Variants in CDKAL1 observed in about 807,000 individuals in gnomAD.
CDKAL1 encodes CDKAL1 threonylcarbamoyladenosine tRNA methylthiotransferase.
Under a neutral mutation model 68.2 loss-of-function variants are expected in CDKAL1, and 32 were observed. That is an observed-to-expected ratio of 0.47 (90% confidence interval 0.35 to 0.63). The LOEUF (loss-of-function observed/expected upper bound fraction) is 0.63, where lower values mean the gene tolerates loss of function less well. Ranked by LOEUF, CDKAL1 falls within the 30% of genes least tolerant of loss-of-function variation. The pLI is 0.00. For missense variants in CDKAL1, 606 were observed against 696.7 expected, an observed-to-expected ratio of 0.87 and a Z score of 1.47; for synonymous variants, 234 against 244.3, an observed-to-expected ratio of 0.96 and a Z score of 0.39.
At chr6:20,896,907 G>A (rs1761718250) in intron 9 of CDKAL1, among the ~76,000 whole-genome samples, 1 of 152,160 alleles carries the variant, frequency 6.6e-6, no homozygotes, top group African/African-American at 2.4e-5. Context: ...AAGTGTTCTT[G>A]GGTTCGGAGG....
At chr6:21,201,550 C>T (rs1054725321) in intron 15 of CDKAL1, among the ~76,000 whole-genome samples, 3 of 152,152 alleles carry the variant, frequency 2.0e-5, no homozygotes, top group South Asian at 4.1e-4. Context: ...AAAATGTTGA[C>T]ACCAAAAGAT....
chr6:20,769,159 G>A (rs1175538367), intron 7 of CDKAL1, among the ~76,000 whole-genome samples: 1 of 151,836 alleles, frequency 6.6e-6, no homozygotes, highest in Non-Finnish European at 1.5e-5. Context: ...TCACACCCGG[G>A]AAAGTACATC....
chr6:20,779,805 C>T (rs943233630), intron 7 of CDKAL1, among the ~76,000 whole-genome samples: 14 of 152,128 alleles, frequency 9.2e-5, no homozygotes, highest in Admixed American at 4.6e-4. Flanking sequence ...GGCTGGTCTG[C>T]CTGCCTTGGC....
At chr6:21,008,061 T>G (rs1280412528) in intron 11 of CDKAL1, among the ~76,000 whole-genome samples, 1 of 152,062 alleles carries the variant, frequency 6.6e-6, no homozygotes, top group African/African-American at 2.4e-5. Context: ...TAATAGAAAA[T>G]CATATAGTTA....
At chr6:20,879,319 G>C (rs773615595) in intron 9 of CDKAL1, among the ~76,000 whole-genome samples, 1 of 152,156 alleles carries the variant, frequency 6.6e-6, no homozygotes, top group Non-Finnish European at 1.5e-5. Context: ...AGTTAGTTTT[G>C]AAGTCTTGGT....
chr6:21,214,573 A>G (rs1488841097), intron 15 of CDKAL1, among the ~76,000 whole-genome samples: 1 of 151,970 alleles, frequency 6.6e-6, no homozygotes, highest in Non-Finnish European at 1.5e-5. Flanking sequence ...TCCCTGGTAC[A>G]TACTTCATTC....
chr6:21,077,220 T>C (rs1772120458), intron 12 of CDKAL1, among the ~76,000 whole-genome samples: 1 of 152,232 alleles, frequency 6.6e-6, no homozygotes, highest in South Asian at 2.1e-4. Flanking sequence ...TTTCACCTTC[T>C]ATTTTATTAT....
At chr6:21,101,397 T>A (rs1773570203) in intron 12 of CDKAL1, among the ~76,000 whole-genome samples, 1 of 152,336 alleles carries the variant, frequency 6.6e-6, no homozygotes, top group African/African-American at 2.4e-5. Context: ...AAAGATTCGC[T>A]AATAGTTCTA....
chr6:20,897,112 T>C (rs534367372), intron 9 of CDKAL1, among the ~76,000 whole-genome samples: 15 of 152,280 alleles, frequency 9.9e-5, no homozygotes, highest in African/African-American at 3.4e-4. Flanking sequence ...AATGGTCCCT[T>C]CTAGCTGTTT....
intron 5 of CDKAL1, among the ~76,000 whole-genome samples, chr6:20,709,353 A>T (rs1771741874): frequency 6.6e-6 from 1 of 152,092 alleles, no homozygotes; most frequent in Admixed American, 6.5e-5. Flanking sequence ...CAAAATCTGA[A>T]ATGCTCTAAA....
intron 15 of CDKAL1, among the ~76,000 whole-genome samples, chr6:21,209,989 C>T (rs1779089254): frequency 1.3e-5 from 2 of 152,192 alleles, no homozygotes; most frequent in South Asian, 4.1e-4. Flanking sequence ...CATCAAAGAA[C>T]TAATTGTGCC....
intron 15 of CDKAL1, among the ~76,000 whole-genome samples, chr6:21,229,131 T>TAACA (rs1352779912): frequency 6.6e-6 from 1 of 152,320 alleles, no homozygotes; most frequent in Admixed American, 6.5e-5. Context: ...TCCTTGTGGC[T>TAACA]AACAGCTGTG....
At chr6:21,042,952 C>T (rs1016716462) in intron 11 of CDKAL1, among the ~76,000 whole-genome samples, 5 of 152,166 alleles carry the variant, frequency 3.3e-5, no homozygotes, top group Admixed American at 2.6e-4. Context: ...AAAAAACAGA[C>T]ATAGAGATAG....
At chr6:20,571,450 A>G (rs7744002) in intron 4 of CDKAL1, among the ~76,000 whole-genome samples, 3,635 of 152,042 alleles carry the variant, frequency 0.024, 133 homozygotes, top group African/African-American at 0.077. Context: ...CTGTTCTCTT[A>G]TCTAGTAATT....
At chr6:20,921,013 G>C (rs978541085) in intron 9 of CDKAL1, among the ~76,000 whole-genome samples, 13 of 151,664 alleles carry the variant, frequency 8.6e-5, no homozygotes, top group Non-Finnish European at 1.9e-4. Flanking sequence ...TTTTATATTA[G>C]ATAAAAAAAG....
chr6:20,777,576 C>T (rs1042796508), intron 7 of CDKAL1, among the ~76,000 whole-genome samples: 2 of 152,220 alleles, frequency 1.3e-5, no homozygotes, highest in Non-Finnish European at 2.9e-5. Context: ...GATTGTGCCA[C>T]TGCACTCCGG....
intron 5 of CDKAL1, among the ~76,000 whole-genome samples, chr6:20,672,386 ACT>A (rs1408039262): frequency 7.4e-6 from 1 of 134,938 alleles, no homozygotes; most frequent in East Asian, 2.1e-4. Context: ...TGAGAATCTC[ACT>A]CTGTCACCCA....
intron 10 of CDKAL1, among the ~76,000 whole-genome samples, chr6:20,980,192 GATAGAT>G (rs61624482): frequency 0.3 from 44,082 of 148,958 alleles, 6,888 homozygotes; most frequent in Non-Finnish European, 0.35. Flanking sequence ...TCCAAAGATA[GATAGAT>G]ATAGATATAG....
intron 13 of CDKAL1, among the ~76,000 whole-genome samples, chr6:21,176,466 C>T (rs1233916321): frequency 1.3e-5 from 2 of 152,164 alleles, no homozygotes; most frequent in Non-Finnish European, 2.9e-5. Flanking sequence ...CTCATCTCTT[C>T]AATGGTGAAA....
Sources: allele counts gnomAD v4.1 joint callset (sites outside exome capture counted in the v4.1 genomes callset), GRCh38; gene constraint gnomAD v4.1.1; transcripts MANE v1.5; gene names NCBI Gene and HGNC (gene_info 2026-07-23, HGNC 2026-07-21).